PIAS1: variants seen among roughly 807,000 people sequenced by gnomAD.
PIAS1 encodes E3 SUMO-protein ligase PIAS1.
A neutral mutation model predicts 71.3 loss-of-function variants in PIAS1; 6 were observed. The ratio of observed to expected loss-of-function variants is 0.08; its 90% CI spans 0.05 to 0.17. The LOEUF is 0.17. Among genes scored for constraint, PIAS1 ranks in the 10% least tolerant of loss-of-function variants. The probability of loss-of-function intolerance (pLI) is 1.00; values close to 1 mark genes in which losing one functional copy is unlikely to be tolerated. For missense variants in PIAS1, 555 were observed against 793.6 expected (o/e 0.70, Z 3.61); for synonymous variants, 303 against 292.9 (o/e 1.03, Z -0.35).
chr15:68,183,623 T>C lies in PIAS1; in HGVS notation c.1625-7T>C. The C allele has an allele frequency of 1.8e-6, 2 of 1,099,010 alleles. No individual in the cohort carries two copies. Among genetic ancestry groups the C allele is most frequent in the Non-Finnish European group, 2.7e-6 (2 of 749,486 alleles). 68.1% of individuals were successfully genotyped at this position (1,099,010 alleles called of 1,614,324 possible). ...TTTTTAAACTGAAATAATTTTTTCT[T>C]CCACAGGATTAGATTTCTTTCCTTT... On this transcript the variant is annotated splice_region_variant and splice_polypyrimidine_tract_variant and intron_variant, in intron 12 of 13. Transcript: ENST00000249636.
chr15:68,152,501 T>C (rs1163041153), intron 6 of PIAS1, among the ~76,000 whole-genome samples: 5 of 152,212 alleles, frequency 3.3e-5, no homozygotes, highest in Admixed American at 1.3e-4. Context: ...TAGTGTCTGC[T>C]CTGTCATCAA....
At chr15:68,092,024 A>G (rs1014517826) in intron 2 of PIAS1, among the ~76,000 whole-genome samples, 4 of 152,188 alleles carry the variant, frequency 2.6e-5, no homozygotes, top group African/African-American at 9.7e-5. Context: ...GATTGAAGTC[A>G]AATTTTACCT....
chr15:68,152,702 A>AT, intron 6 of PIAS1, among the ~76,000 whole-genome samples: 1 of 152,214 alleles, frequency 6.6e-6, no homozygotes, highest in African/African-American at 2.4e-5. Context: ...GGCAGCAATT[A>AT]TTTTTCCTTT....
chr15:68,101,403 G>A (rs1187006362), intron 2 of PIAS1, among the ~76,000 whole-genome samples: 1 of 148,450 alleles, frequency 6.7e-6, no homozygotes, highest in Non-Finnish European at 1.5e-5. Context: ...CCTTCGTTGG[G>A]TTTGTGGTTT....
chr15:68,085,559 T>A (rs1040452544), intron 1 of PIAS1, among the ~76,000 whole-genome samples: 46 of 152,186 alleles, frequency 3.0e-4, no homozygotes, highest in Non-Finnish European at 2.5e-4. Context: ...AATGGTTTAG[T>A]GGAAAGAGCA....
chr15:68,173,674 C>G lies in PIAS1; in HGVS notation c.1009-58C>G. 7.6e-7 allele frequency: 1 copy of G among 1,322,422 alleles called. No individual in the cohort carries two copies. The highest frequency in any genetic ancestry group is 2.0e-5 in the South Asian group (1 of 51,140). 81.9% of individuals were successfully genotyped at this position (1,322,422 alleles called of 1,614,324 possible). A position where few individuals can be genotyped will look rare whatever the true frequency, so the allele number is the denominator to read the frequency against. On this transcript the variant is annotated intron_variant, in intron 8 of 13. Coordinates refer to ENST00000249636, the MANE Select transcript of PIAS1 (RefSeq NM_016166.3). The surrounding 1 kb of genome is among the most constrained non-coding windows in gnomAD (Gnocchi z 4.3). ...CTGTTGTGTTCTAGGAAATTTTTGT[C>G]AAAGCTTAAATGTTGAATAGCAATT...
intron 2 of PIAS1, among the ~76,000 whole-genome samples, chr15:68,105,289 G>A (rs190324688): frequency 7.4e-4 from 113 of 152,110 alleles, no homozygotes; most frequent in African/African-American, 2.6e-3. Flanking sequence ...ATTTATCTAG[G>A]TTACTTTTAG....
chr15:68,131,548 A>G (rs901725903), intron 2 of PIAS1, among the ~76,000 whole-genome samples: 1 of 151,658 alleles, frequency 6.6e-6, no homozygotes, highest in African/African-American at 2.4e-5. Context: ...CTTTGTTTCT[A>G]TGAGTTTGAT....
At chr15:68,169,254 A>G (rs2141084179) in intron 8 of PIAS1, among the ~76,000 whole-genome samples, 1 of 152,332 alleles carries the variant, frequency 6.6e-6, no homozygotes, top group East Asian at 1.9e-4. Context: ...GGCACCACCA[A>G]CCAGATTGCT....
At chr15:68,101,901 C>T (rs1382979963) in intron 2 of PIAS1, among the ~76,000 whole-genome samples, 1 of 152,084 alleles carries the variant, frequency 6.6e-6, no homozygotes, top group Non-Finnish European at 1.5e-5. Flanking sequence ...CAGGTGTGTG[C>T]CATCGCGCCC....
intron 2 of PIAS1, among the ~76,000 whole-genome samples, chr15:68,118,976 A>G (rs1312260431): frequency 6.6e-6 from 1 of 152,092 alleles, no homozygotes; most frequent in Admixed American, 6.6e-5. Context: ...CTGCACAGCA[A>G]AGGAAACAAT....
At chr15:68,134,531 G>T (rs1307370117) in intron 2 of PIAS1, among the ~76,000 whole-genome samples, 1 of 50,070 alleles carries the variant, frequency 2.0e-5, no homozygotes, top group East Asian at 5.5e-4. Context: ...GCGGCTGGCC[G>T]GGCAGAGGGG....
intron 2 of PIAS1, among the ~76,000 whole-genome samples, chr15:68,110,040 A>G (rs904390829): frequency 6.6e-6 from 1 of 152,212 alleles, no homozygotes; most frequent in Non-Finnish European, 1.5e-5. Context: ...TCTCTAAGCC[A>G]GATATATTTT....
intron 8 of PIAS1, among the ~76,000 whole-genome samples, chr15:68,168,998 T>C (rs1032993647): frequency 3.0e-4 from 45 of 152,240 alleles, no homozygotes; most frequent in Admixed American, 2.6e-3. Flanking sequence ...TTTCATGGCC[T>C]GTAGCTTGGA....
chr15:68,146,519 A>G, intron 5 of PIAS1, 47 bp from the exon 6 acceptor site: 1 of 1,484,122 alleles, frequency 6.7e-7, no homozygotes, highest in Non-Finnish European at 9.3e-7. Context: ...GGAAGTCAAA[A>G]TGATTGTGGA....
chr15:68,120,993 C>T (rs1307592693), intron 2 of PIAS1, among the ~76,000 whole-genome samples: 3 of 152,144 alleles, frequency 2.0e-5, no homozygotes, highest in Non-Finnish European at 4.4e-5. Context: ...TTTAAACAAT[C>T]AGTTCTCTTT....
intron 1 of PIAS1, among the ~76,000 whole-genome samples, chr15:68,064,921 T>G (rs1201593191): frequency 6.6e-6 from 1 of 152,156 alleles, no homozygotes; most frequent in African/African-American, 2.4e-5. Context: ...ATTAATTAAT[T>G]TGTTTTTTGA....
At chr15:68,091,693 A>C (rs1490565002) in intron 2 of PIAS1, among the ~76,000 whole-genome samples, 2 of 152,220 alleles carry the variant, frequency 1.3e-5, no homozygotes, top group Non-Finnish European at 2.9e-5. Flanking sequence ...AAATGCACTT[A>C]ATACACTTAA....
At chr15:68,065,040 G>A (rs1467884191) in intron 1 of PIAS1, among the ~76,000 whole-genome samples, 1 of 152,034 alleles carries the variant, frequency 6.6e-6, no homozygotes, top group Non-Finnish European at 1.5e-5. Flanking sequence ...ACCATGCCCA[G>A]CTATTATTTT....
Sources: allele counts gnomAD v4.1 joint callset (sites outside exome capture counted in the v4.1 genomes callset), GRCh38; gene constraint gnomAD v4.1.1; non-coding constraint Gnocchi (gnomAD v3.1); transcripts MANE v1.5; gene names NCBI Gene and HGNC (gene_info 2026-07-23, HGNC 2026-07-21).